DCAF8L2: variants seen among roughly 807,000 people sequenced by gnomAD.
DCAF8L2 encodes DDB1- and CUL4-associated factor 8-like protein 2.
For synonymous variants in DCAF8L2, 200 were observed against 190.9 expected, an observed-to-expected ratio of 1.05 and a Z score of -0.39; for missense variants, 430 against 490.7, an observed-to-expected ratio of 0.88 and a Z score of 1.17.
At chrX:27,510,212 T>C in the DCAF8L2 span, among the ~76,000 whole-genome samples, 3 of 110,803 alleles carry the variant, frequency 2.7e-5, no homozygotes, top group African/African-American at 9.8e-5. Flanking sequence ...TTCATTTTTT[T>C]TTTCTCTCTT....
chrX:27,640,773 G>T (rs779810249), intron 2 of DCAF8L2, among the ~76,000 whole-genome samples: 29 of 108,517 alleles, frequency 2.7e-4, no homozygotes, highest in Non-Finnish European at 2.5e-4. Context: ...TTTTATTTTA[G>T]CCTTTTTAAT....
chrX:27,584,766 A>G, the DCAF8L2 span, among the ~76,000 whole-genome samples: 2 of 112,081 alleles, frequency 1.8e-5, no homozygotes, highest in Non-Finnish European at 3.8e-5. Flanking sequence ...TCATAAAAAG[A>G]ATTAACATAA....
At chrX:27,520,712 A>C in the DCAF8L2 span, among the ~76,000 whole-genome samples, 1 of 112,076 alleles carries the variant, frequency 8.9e-6, no homozygotes, top group South Asian at 3.7e-4. Flanking sequence ...ATAATAAAGA[A>C]ATACTTCTTG....
At chrX:27,505,851 T>C in the DCAF8L2 span, among the ~76,000 whole-genome samples, 1 of 112,182 alleles carries the variant, frequency 8.9e-6, no homozygotes, top group Non-Finnish European at 1.9e-5. Context: ...AGGGAAACAA[T>C]AATTGTGAGA....
At chrX:27,708,365 T>C (rs1331260187) in intron 3 of DCAF8L2, among the ~76,000 whole-genome samples, 1 of 111,713 alleles carries the variant, frequency 9.0e-6, no homozygotes, top group East Asian at 2.8e-4. Flanking sequence ...CTATGGTGTA[T>C]ATATACCACG....
chrX:27,514,477 G>T, the DCAF8L2 span, among the ~76,000 whole-genome samples: 103 of 106,453 alleles, frequency 9.7e-4, no homozygotes, highest in African/African-American at 3.0e-3. Context: ...AGACCATCCC[G>T]GCTAAAACGG....
chrX:27,673,701 G>T (rs1302412402), intron 2 of DCAF8L2, among the ~76,000 whole-genome samples: 1 of 105,679 alleles, frequency 9.5e-6, no homozygotes, highest in Non-Finnish European at 1.9e-5. Context: ...GTGGTTGTGT[G>T]TATATATATA....
chrX:27,643,068 C>A (rs1055093798), intron 2 of DCAF8L2, among the ~76,000 whole-genome samples: 9 of 112,006 alleles, frequency 8.0e-5, no homozygotes, highest in Non-Finnish European at 1.5e-4. Flanking sequence ...TCAAGATAAT[C>A]ATTTTATTCC....
intron 3 of DCAF8L2, among the ~76,000 whole-genome samples, chrX:27,707,672 T>C (rs1355189152): frequency 1.8e-5 from 2 of 111,853 alleles, no homozygotes; most frequent in African/African-American, 6.5e-5. Context: ...TTCATTTCAC[T>C]AGGATGCTAA....
At chrX:27,727,075 T>C (rs192562589) in intron 4 of DCAF8L2, among the ~76,000 whole-genome samples, 90 of 112,079 alleles carry the variant, frequency 8.0e-4, no homozygotes, top group Non-Finnish European at 1.5e-3. Context: ...ATGTTTTCAG[T>C]CTTTTAAATT....
the DCAF8L2 span, among the ~76,000 whole-genome samples, chrX:27,515,008 T>G: frequency 9.0e-6 from 1 of 111,698 alleles, no homozygotes; most frequent in African/African-American, 3.3e-5. Flanking sequence ...CTAGCATATA[T>G]TTCAAGATAG....
chrX:27,687,002 G>T (rs1013092171), intron 3 of DCAF8L2, among the ~76,000 whole-genome samples: 3 of 111,995 alleles, frequency 2.7e-5, no homozygotes, highest in African/African-American at 9.7e-5. Context: ...AGCTCAGGCA[G>T]TAATGCTCCC....
chrX:27,510,338 T>C, the DCAF8L2 span, among the ~76,000 whole-genome samples: 1 of 110,293 alleles, frequency 9.1e-6, no homozygotes, highest in East Asian at 2.8e-4. Context: ...GGGGCATTAA[T>C]TGAAGAGGCA....
the DCAF8L2 span, among the ~76,000 whole-genome samples, chrX:27,501,938 C>T: frequency 1.8e-5 from 2 of 110,362 alleles, no homozygotes; most frequent in African/African-American, 3.3e-5. Context: ...AAGGAGACCT[C>T]GGAATGAAGG....
At chrX:27,574,486 G>A in the DCAF8L2 span, among the ~76,000 whole-genome samples, 52 of 112,250 alleles carry the variant, frequency 4.6e-4, no homozygotes, top group East Asian at 4.5e-3. Flanking sequence ...TGCCACTGGT[G>A]TGGCCAAAGA....
chrX:27,587,902 A>G (rs1180255892), upstream of DCAF8L2, among the ~76,000 whole-genome samples: 2 of 106,680 alleles, frequency 1.9e-5, no homozygotes, highest in Non-Finnish European at 3.9e-5. Context: ...CTAGTCAGCA[A>G]AGCACTATGT....
intron 2 of DCAF8L2, among the ~76,000 whole-genome samples, chrX:27,677,608 G>C (rs191866260): frequency 7.2e-5 from 8 of 111,397 alleles, no homozygotes; most frequent in Admixed American, 2.9e-4. Flanking sequence ...AATCAGGCAG[G>C]GGTTTGTGAG....
At chrX:27,516,167 C>A in the DCAF8L2 span, among the ~76,000 whole-genome samples, 1 of 111,077 alleles carries the variant, frequency 9.0e-6, no homozygotes, top group Admixed American at 9.7e-5. Flanking sequence ...CAAGGCTTTA[C>A]GTTATCTCCA....
At chrX:27,530,352 C>G in the DCAF8L2 span, among the ~76,000 whole-genome samples, 6 of 110,653 alleles carry the variant, frequency 5.4e-5, 1 homozygote, top group Admixed American at 2.9e-4. Flanking sequence ...ATACTCCCCC[C>G]CCAAACCCCG....
Sources: allele counts gnomAD v4.1 joint callset (sites outside exome capture counted in the v4.1 genomes callset), GRCh38; gene constraint gnomAD v4.1.1; transcripts MANE v1.5; gene names NCBI Gene and HGNC (gene_info 2026-07-23, HGNC 2026-07-21).